PCDHGA7: variants seen among roughly 807,000 people sequenced by gnomAD.
The protein encoded by PCDHGA7 is protocadherin gamma-A7.
Under a neutral mutation model 58.3 loss-of-function variants are expected in PCDHGA7, and 44 were observed. The observed-to-expected ratio is 0.75, with a 90% confidence interval of 0.59 to 0.97. The LOEUF is 0.97. Ranked by LOEUF, PCDHGA7 falls within the 50% of genes least tolerant of loss-of-function variation. The pLI is 0.00. For synonymous variants in PCDHGA7, 516 were observed against 504.2 expected (o/e 1.02, Z -0.31); for missense variants, 1,266 against 1,188.7 (o/e 1.06, Z -0.96).
intron 1 of PCDHGA7, chr5:141,394,458 A>C (rs776488659): frequency 6.2e-7 from 1 of 1,614,100 alleles, no homozygotes; most frequent in Non-Finnish European, 8.5e-7. Context: ...CATGTCACTG[A>C]GCCTGTTCGT....
intron 1 of PCDHGA7, among the ~76,000 whole-genome samples, chr5:141,467,421 G>T (rs957302311): frequency 6.6e-6 from 1 of 152,100 alleles, no homozygotes; most frequent in African/African-American, 2.4e-5. Flanking sequence ...CCACACCTAG[G>T]TTATAGAAAC....
intron 3 of PCDHGA7, chr5:141,507,285 C>T (rs80317708): frequency 2.7e-5 from 4 of 150,212 alleles, no homozygotes; most frequent in African/African-American, 7.4e-5. Flanking sequence ...ATAAGTCAGT[C>T]TCAAATGTTG....
chr5:141,401,171 G>A (rs1222326375), intron 1 of PCDHGA7, among the ~76,000 whole-genome samples: 1 of 152,054 alleles, frequency 6.6e-6, no homozygotes, highest in African/African-American at 2.4e-5. Context: ...GTGAAAACCC[G>A]TCTCTACTAA....
intron 1 of PCDHGA7, chr5:141,422,903 A>G (rs1444530801): frequency 1.9e-6 from 3 of 1,614,036 alleles, no homozygotes; most frequent in African/African-American, 2.7e-5. Context: ...CAGAACGACA[A>G]TGCGCCCGAG....
chr5:141,409,729 G>GCAGAGC (rs1178571616), intron 1 of PCDHGA7: 2 of 1,612,966 alleles, frequency 1.2e-6, no homozygotes, highest in African/African-American at 2.7e-5. Context: ...CAGTGAGCGC[G>GCAGAGC]CAGAGCGGGG....
At chr5:141,419,170 C>T (rs758796140) in intron 1 of PCDHGA7, 4 of 1,613,966 alleles carry the variant, frequency 2.5e-6, no homozygotes, top group Non-Finnish European at 3.4e-6. Context: ...CCAGCAAAAC[C>T]ATAACCCTGC....
At chr5:141,462,100 G>T (rs1202526885) in intron 1 of PCDHGA7, among the ~76,000 whole-genome samples, 1 of 152,164 alleles carries the variant, frequency 6.6e-6, no homozygotes, top group Non-Finnish European at 1.5e-5. Flanking sequence ...TGGGATTACA[G>T]GCATGAGCCA....
At chr5:141,470,734 G>A (rs970003510) in intron 1 of PCDHGA7, among the ~76,000 whole-genome samples, 1 of 152,128 alleles carries the variant, frequency 6.6e-6, no homozygotes, top group Non-Finnish European at 1.5e-5. Context: ...GTCTTGCTCT[G>A]TCGCCCTGGC....
intron 1 of PCDHGA7, chr5:141,418,096 G>A (rs772001018): frequency 6.2e-7 from 1 of 1,614,078 alleles, no homozygotes; most frequent in East Asian, 2.2e-5. Context: ...GCGTAGACGC[G>A]CAGAGCGGGG....
chr5:141,487,403 C>T lies in PCDHGA7; in HGVS notation c.2425-7404C>T. 1 of 1,614,140 alleles carries T rather than the reference C, an allele frequency of 6.2e-7. No homozygotes were observed. Among genetic ancestry groups the T allele is most frequent in the South Asian group, 1.1e-5 (1 of 91,082 alleles). ...CAGATCTCGAAGGAGGGAGGGGCTTCCCCCTTCCAATGGGATCCTCCGAAT... is the reference window on the plus strand; with the variant it reads ...CAGATCTCGAAGGAGGGAGGGGCTTTCCCCTTCCAATGGGATCCTCCGAAT... On this transcript the variant is annotated intron_variant, in intron 1 of 3. Coordinates refer to ENST00000518325, the MANE Select transcript of PCDHGA7 (RefSeq NM_018920.4). The surrounding 1 kb of genome is among the most constrained non-coding windows in gnomAD (Gnocchi z 5.0).
At chr5:141,456,142 C>A (rs1258425044) in intron 1 of PCDHGA7, among the ~76,000 whole-genome samples, 1 of 152,052 alleles carries the variant, frequency 6.6e-6, no homozygotes, top group Non-Finnish European at 1.5e-5. Flanking sequence ...CCTGATCCGC[C>A]CGCCTCGGCC....
rs370932300 is a variant in PCDHGA7, at chr5:141,459,955, G to A, written c.2425-34852G>A. Among the ~76,000 whole-genome samples, 15 of 152,316 alleles carry A rather than the reference G, an allele frequency of 9.8e-5. No homozygotes were observed. The East Asian group carries it at 2.3e-3, about 24-fold the overall frequency. The stretch of plus-strand genomic sequence containing the variant: ...TAGCTGGGCGTGATGGCAGGTGCCT[G>A]TAATCCCAGCTACTCAGGAGGCTGA... On this transcript the variant is annotated intron_variant, in intron 1 of 3. Coordinates refer to ENST00000518325, the MANE Select transcript of PCDHGA7 (RefSeq NM_018920.4).
In PCDHGA7 at chr5:141,487,000, G is replaced by T. The variant is rs1410493699; in HGVS notation, c.2425-7807G>T. 2 of 1,614,076 alleles carry T rather than the reference G, an allele frequency of 1.2e-6. No homozygotes were observed. Among genetic ancestry groups the T allele is most frequent in the Non-Finnish European group, 1.7e-6 (2 of 1,180,044 alleles). On this transcript the variant is annotated intron_variant, in intron 1 of 3. Coordinates refer to ENST00000518325, the MANE Select transcript of PCDHGA7 (RefSeq NM_018920.4). The surrounding 1 kb of genome is among the most constrained non-coding windows in gnomAD (Gnocchi z 5.0). Reference sequence around the variant, plus strand: ...GTTACAATGCTTGGGTTTCCTATCAGCTCCTGGAGGCCCCAGATCCCAGCC... The same window carrying T: ...GTTACAATGCTTGGGTTTCCTATCATCTCCTGGAGGCCCCAGATCCCAGCC...
chr5:141,472,307 C>T (rs949288194), intron 1 of PCDHGA7, among the ~76,000 whole-genome samples: 2 of 150,368 alleles, frequency 1.3e-5, no homozygotes, highest in Admixed American at 6.6e-5. Flanking sequence ...TTTGGGAAGC[C>T]GAGGCAGGCA....
chr5:141,404,942 A>G, intron 1 of PCDHGA7: 2 of 1,613,982 alleles, frequency 1.2e-6, no homozygotes, highest in South Asian at 1.1e-5. Context: ...CACAGTAGCC[A>G]TAGCTGACAG....
chr5:141,462,811 T>C (rs893444929), intron 1 of PCDHGA7, among the ~76,000 whole-genome samples: 1 of 152,206 alleles, frequency 6.6e-6, no homozygotes, highest in Non-Finnish European at 1.5e-5. Context: ...ATAATGTTTT[T>C]ATTGGACAGC....
chr5:141,404,361 C>A, intron 1 of PCDHGA7: 3 of 1,613,956 alleles, frequency 1.9e-6, no homozygotes, highest in Non-Finnish European at 2.5e-6. Context: ...AGAGGTACTT[C>A]CATCTTCTCC....
chr5:141,501,441 A>G (rs547792017), intron 2 of PCDHGA7, among the ~76,000 whole-genome samples: 1 of 151,898 alleles, frequency 6.6e-6, no homozygotes, highest in African/African-American at 2.4e-5. Context: ...CATTTCTTCC[A>G]TTTTTACTTT....
intron 1 of PCDHGA7, chr5:141,403,779 A>G: frequency 6.2e-7 from 1 of 1,613,970 alleles, no homozygotes; most frequent in Non-Finnish European, 8.5e-7. Context: ...ATCAACGGAA[A>G]AGTGGCATAC....
Sources: gnomAD v4.1 joint callset for allele counts (sites outside exome capture counted in the v4.1 genomes callset) on GRCh38, gnomAD v4.1.1 for gene constraint, Gnocchi (gnomAD v3.1) non-coding constraint, MANE v1.5 for transcripts, NCBI Gene and HGNC (gene_info 2026-07-23, HGNC 2026-07-21) for gene names.